Variants in PPM1H observed in about 807,000 individuals in gnomAD.
The protein encoded by PPM1H is protein phosphatase 1H.
Under a neutral mutation model 54.9 loss-of-function variants are expected in PPM1H, and 27 were observed. The ratio of observed to expected loss-of-function variants is 0.49; its 90% CI spans 0.36 to 0.68. The LOEUF is 0.68. PPM1H is among the 30% of genes least tolerant of loss of function. The pLI, the probability that PPM1H is intolerant of heterozygous loss-of-function variation, is 0.00. For missense variants in PPM1H, 596 were observed against 667.8 expected (o/e 0.89, Z 1.19); for synonymous variants, 305 against 270.8 (o/e 1.13, Z -1.24).
intron 1 of PPM1H, among the ~76,000 whole-genome samples, chr12:62,907,446 G>A (rs1227679444): frequency 6.6e-6 from 1 of 152,164 alleles, no homozygotes; most frequent in African/African-American, 2.4e-5. Flanking sequence ...ACCAAACCCT[G>A]CAGGCTCTTC....
chr12:62,923,607 G>A (rs1388351888), intron 1 of PPM1H, among the ~76,000 whole-genome samples: 3 of 152,104 alleles, frequency 2.0e-5, no homozygotes, highest in Admixed American at 6.6e-5. Context: ...TCACCACATC[G>A]GCCAAGCTGG....
intron 4 of PPM1H, among the ~76,000 whole-genome samples, chr12:62,758,645 T>A (rs2076488789): frequency 6.6e-6 from 1 of 152,128 alleles, no homozygotes; most frequent in Admixed American, 6.5e-5. Context: ...TGGCTACATT[T>A]TATTTAAACC....
intron 4 of PPM1H, among the ~76,000 whole-genome samples, chr12:62,745,106 C>T (rs1204743190): frequency 2.0e-5 from 3 of 152,054 alleles, no homozygotes; most frequent in South Asian, 2.1e-4. Flanking sequence ...CTGACCACCT[C>T]GACACCTAGC....
At chr12:62,899,981 A>G (rs372051635) in intron 1 of PPM1H, among the ~76,000 whole-genome samples, 1 of 152,248 alleles carries the variant, frequency 6.6e-6, no homozygotes, top group African/African-American at 2.4e-5. Context: ...TCAGCCATGT[A>G]GGACACAATA....
intron 9 of PPM1H, among the ~76,000 whole-genome samples, chr12:62,662,969 A>C (rs996434266): frequency 2.0e-5 from 3 of 152,160 alleles, no homozygotes; most frequent in Non-Finnish European, 2.9e-5. Flanking sequence ...CTTCATGTAC[A>C]TAGAATTCTA....
At chr12:62,927,252 G>T (rs1871997286) in intron 1 of PPM1H, among the ~76,000 whole-genome samples, 2 of 152,186 alleles carry the variant, frequency 1.3e-5, no homozygotes, top group Admixed American at 6.5e-5. Context: ...TGAATGAGCT[G>T]AAGAAAACAT....
intron 9 of PPM1H, among the ~76,000 whole-genome samples, chr12:62,660,016 TG>T (rs2075874356): frequency 6.6e-6 from 1 of 152,244 alleles, no homozygotes; most frequent in Non-Finnish European, 1.5e-5. Context: ...AGGAACTCTC[TG>T]GCCAAGGAAG....
chr12:62,710,923 G>A (rs61919552), intron 6 of PPM1H, among the ~76,000 whole-genome samples: 5,886 of 152,218 alleles, frequency 0.039, 200 homozygotes, highest in East Asian at 0.14. Context: ...CTCATCACGC[G>A]CTATTATATG....
chr12:62,934,866 C>G lies in PPM1H; in HGVS notation c.-130G>C. Reference sequence around the variant, plus strand: ...AGTCGGGCCACTGGGACGCGCCGCGCGCGGCTCCCAGAGCCTAGTGCTGCA... The same window carrying G: ...AGTCGGGCCACTGGGACGCGCCGCGGGCGGCTCCCAGAGCCTAGTGCTGCA... On this transcript the variant is annotated 5_prime_UTR_variant, in exon 1 of 10. Transcript: ENST00000228705. The surrounding 1 kb of genome is among the most constrained non-coding windows in gnomAD (Gnocchi z 4.2). 1 of 962,772 alleles carries G rather than the reference C, an allele frequency of 1.0e-6. No individual in the cohort carries two copies. The highest frequency in any genetic ancestry group is 1.3e-6 in the Non-Finnish European group (1 of 748,208). The allele number at this position is 962,772 out of a possible 1,614,324, so 59.6% of individuals were successfully genotyped here. A position where few individuals can be genotyped will look rare whatever the true frequency, so the allele number is the denominator to read the frequency against.
intron 1 of PPM1H, among the ~76,000 whole-genome samples, chr12:62,922,212 T>C (rs542747392): frequency 6.6e-6 from 1 of 152,338 alleles, no homozygotes; most frequent in Admixed American, 6.5e-5. Context: ...TATCCTTTTA[T>C]ACAAAACTTG....
rs372474658 is a variant in PPM1H at position 62,774,897 on chromosome 12, A to G, written c.869+13329T>C. Among the ~76,000 whole-genome samples the G allele has an allele frequency of 2.6e-5, 4 of 152,156 alleles. No homozygotes were observed. In the East Asian group the frequency reaches 7.7e-4, roughly 29 times the overall value. On this transcript the variant is annotated intron_variant, in intron 4 of 9. Coordinates refer to ENST00000228705, the MANE Select transcript of PPM1H (RefSeq NM_020700.2). The stretch of plus-strand genomic sequence containing the variant: ...AGGTGGCGATCCAGGTTCTGGTACG[A>G]GTTCTGCCGCCGGCTATCTGTGGGA...
intron 6 of PPM1H, among the ~76,000 whole-genome samples, chr12:62,695,782 A>G (rs76878643): frequency 1.3e-5 from 2 of 152,278 alleles, no homozygotes; most frequent in Non-Finnish European, 1.5e-5. Flanking sequence ...TTAGCCCCTT[A>G]TCAGCTTGAC....
chr12:62,915,915 G>A (rs1871607843), intron 1 of PPM1H, among the ~76,000 whole-genome samples: 1 of 152,158 alleles, frequency 6.6e-6, no homozygotes, highest in Admixed American at 6.6e-5. Context: ...TCATGCTGCT[G>A]TCTCCCTCAT....
chr12:62,666,578 T>C (rs1371430838), intron 9 of PPM1H, among the ~76,000 whole-genome samples: 1 of 152,234 alleles, frequency 6.6e-6, no homozygotes, highest in African/African-American at 2.4e-5. Flanking sequence ...GGATTATTTC[T>C]ACTTTAGAGG....
intron 4 of PPM1H, among the ~76,000 whole-genome samples, chr12:62,740,256 C>T (rs763944647): frequency 1.3e-5 from 2 of 152,216 alleles, no homozygotes; most frequent in East Asian, 1.9e-4. Context: ...CCTCCCTCTA[C>T]ACCCAGCTAC....
At chr12:62,921,205 A>G (rs1210681767) in intron 1 of PPM1H, among the ~76,000 whole-genome samples, 1 of 152,200 alleles carries the variant, frequency 6.6e-6, no homozygotes, top group Non-Finnish European at 1.5e-5. Flanking sequence ...CTAGGATTAC[A>G]GGCATGAGCC....
chr12:62,800,027 C>G (rs1056684148), intron 3 of PPM1H, among the ~76,000 whole-genome samples: 3 of 152,114 alleles, frequency 2.0e-5, no homozygotes, highest in South Asian at 2.1e-4. Flanking sequence ...TTTAAACCAC[C>G]TGCTAGTCAA....
chr12:62,653,619 T>C (rs1159459358), intron 9 of PPM1H, among the ~76,000 whole-genome samples: 6 of 152,210 alleles, frequency 3.9e-5, no homozygotes, highest in East Asian at 3.8e-4. Context: ...TTCTTTTTCA[T>C]GGTGAGTGTG....
intron 3 of PPM1H, among the ~76,000 whole-genome samples, chr12:62,793,974 C>G (rs2076716565): frequency 6.6e-6 from 1 of 152,022 alleles, no homozygotes; most frequent in Non-Finnish European, 1.5e-5. Context: ...TCAATAGGAC[C>G]TGGCAGCTCC....
Sources: allele counts gnomAD v4.1 joint callset (sites outside exome capture counted in the v4.1 genomes callset), GRCh38; gene constraint gnomAD v4.1.1; non-coding constraint Gnocchi (gnomAD v3.1); transcripts MANE v1.5; gene names NCBI Gene and HGNC (gene_info 2026-07-23, HGNC 2026-07-21).